TBL1X: variants seen among roughly 807,000 people sequenced by gnomAD.
The protein encoded by TBL1X is transducin beta like 1 X-linked, also known as F-box-like/WD repeat-containing protein TBL1X.
Under a neutral mutation model 50.7 loss-of-function variants are expected in TBL1X, and 10 were observed. The observed-to-expected ratio is 0.20, with a 90% CI of 0.12 to 0.33. The LOEUF (loss-of-function observed/expected upper bound fraction) is 0.33. Among genes scored for constraint, TBL1X ranks in the 10% least tolerant of loss-of-function variants. TBL1X has a pLI of 1.00. For missense variants in TBL1X, 340 were observed against 504.4 expected (o/e 0.67, Z 3.12); for synonymous variants, 190 against 214.7 (o/e 0.88, Z 1.01).
At chrX:9,689,923 G>A (rs1356920300) in intron 7 of TBL1X, among the ~76,000 whole-genome samples, 1 of 112,509 alleles carries the variant, frequency 8.9e-6, no homozygotes, top group Non-Finnish European at 1.9e-5. Flanking sequence ...AGCTAAGCAG[G>A]ACCACCAGGC....
intron 2 of TBL1X, among the ~76,000 whole-genome samples, chrX:9,624,315 C>T (rs1035854963): frequency 8.9e-6 from 1 of 111,805 alleles, no homozygotes; most frequent in East Asian, 2.8e-4. Flanking sequence ...ACATAGCATC[C>T]GTTTCCTCCG....
At chrX:9,574,238 C>T (rs1437946134) in intron 2 of TBL1X, among the ~76,000 whole-genome samples, 1 of 109,350 alleles carries the variant, frequency 9.1e-6, no homozygotes, top group African/African-American at 3.3e-5. Flanking sequence ...AGTCCAAGCT[C>T]AGGAGTCCGA....
chrX:9,608,672 A>G (rs777679160), intron 2 of TBL1X, among the ~76,000 whole-genome samples: 1 of 112,553 alleles, frequency 8.9e-6, no homozygotes, highest in Admixed American at 9.4e-5. Flanking sequence ...AAAGCAGTCA[A>G]AGTGGTTTTT....
chrX:9,587,682 G>A (rs1024185605), intron 2 of TBL1X, among the ~76,000 whole-genome samples: 1 of 111,203 alleles, frequency 9.0e-6, no homozygotes, highest in African/African-American at 3.3e-5. Flanking sequence ...CGCATTTGCA[G>A]TGCACAGTTC....
intron 2 of TBL1X, among the ~76,000 whole-genome samples, chrX:9,558,543 T>A (rs5979115): frequency 0.04 from 4,238 of 106,763 alleles, 115 homozygotes; most frequent in African/African-American, 0.1. Flanking sequence ...GAAAAAAAAA[T>A]ATATATATAT....
chrX:9,616,934 G>T (rs191932259), intron 2 of TBL1X, among the ~76,000 whole-genome samples: 1 of 111,622 alleles, frequency 9.0e-6, no homozygotes, highest in Admixed American at 9.5e-5. Flanking sequence ...GCTTTGTGAT[G>T]AATTATTTCC....
rs73478867 is a variant in TBL1X at position 9,680,206 on chromosome X, G to T, written c.212-3837G>T. ...CTTAATACCGTCACTTTGGGGATTT[G>T]TCTCCCACATACAAATCTGGGGGGG... is the stretch of plus-strand genomic sequence containing the variant. On this transcript the variant is annotated intron_variant, in intron 5 of 17. Coordinates refer to ENST00000645353, the MANE Select transcript of TBL1X (RefSeq NM_005647.4). 7.1e-3 allele frequency among the ~76,000 whole-genome samples: 789 copies of T among 111,635 alleles called. 6 individuals carry two copies. The highest frequency in any genetic ancestry group is 0.024 in the African/African-American group (738 of 30,653).
At chrX:9,609,336 G>GGGGGGTGTGTGT (rs1555900202) in intron 2 of TBL1X, among the ~76,000 whole-genome samples, 3 of 94,773 alleles carry the variant, frequency 3.2e-5, no homozygotes, top group South Asian at 1.0e-3. Flanking sequence ...TTTTCTTCCA[G>GGGGGGTGTGTGT]GTGTGTGTGT....
intron 2 of TBL1X, among the ~76,000 whole-genome samples, chrX:9,568,828 G>C (rs190133582): frequency 2.7e-5 from 3 of 109,854 alleles, no homozygotes; most frequent in African/African-American, 1.0e-4. Flanking sequence ...GTCTATCTGT[G>C]CAGTGTGCTG....
chrX:9,604,496 A>G (rs2238867), intron 2 of TBL1X, among the ~76,000 whole-genome samples: 32,047 of 109,454 alleles, frequency 0.29, 3,806 homozygotes, highest in East Asian at 0.66. Context: ...CTGGGTTGTC[A>G]TAAATTGTCT....
At chrX:9,589,626 T>C (rs1365527430) in intron 2 of TBL1X, among the ~76,000 whole-genome samples, 1 of 111,548 alleles carries the variant, frequency 9.0e-6, no homozygotes, top group Non-Finnish European at 1.9e-5. Context: ...CATCCATGAT[T>C]GAATTCAGGA....
At chrX:9,584,901 T>C (rs1340014093) in intron 2 of TBL1X, among the ~76,000 whole-genome samples, 1 of 111,400 alleles carries the variant, frequency 9.0e-6, no homozygotes, top group Non-Finnish European at 1.9e-5. Flanking sequence ...GTTTTGGAAT[T>C]AGATACAGAG....
At chrX:9,505,670 A>G (rs943167197) in intron 2 of TBL1X, among the ~76,000 whole-genome samples, 5 of 112,060 alleles carry the variant, frequency 4.5e-5, no homozygotes, top group African/African-American at 6.5e-5. Context: ...GACAAAACAG[A>G]CTTTAAACCA....
At chrX:9,684,598 T>TTAAAAAAAA (rs746186550) in intron 6 of TBL1X, among the ~76,000 whole-genome samples, 8 of 51,271 alleles carry the variant, frequency 1.6e-4, no homozygotes, top group African/African-American at 4.2e-4. Flanking sequence ...TCTCTAAAAT[T>TTAAAAAAAA]AAAAAAAAAA....
At position 9,473,615 on chromosome X, in the gene TBL1X, G is replaced by A. The variant is rs2081831311; in HGVS notation, c.-201+8168G>A. 2.7e-5 allele frequency among the ~76,000 whole-genome samples: 3 copies of A among 112,111 alleles called. No homozygotes were observed. The South Asian group carries it at 1.1e-3, about 42-fold the overall frequency. On this transcript the variant is annotated intron_variant, in intron 1 of 17. Coordinates refer to ENST00000645353, the MANE Select transcript of TBL1X (RefSeq NM_005647.4). ...TTATTGGAACAGTGTTTTCAACGTTGAGCTCTGGAATGTTGCAGCCAACTA... is the reference window on the plus strand; with the variant it reads ...TTATTGGAACAGTGTTTTCAACGTTAAGCTCTGGAATGTTGCAGCCAACTA...
At chrX:9,514,809 A>G (rs533460705) in intron 2 of TBL1X, among the ~76,000 whole-genome samples, 2 of 112,114 alleles carry the variant, frequency 1.8e-5, no homozygotes, top group South Asian at 7.5e-4. Flanking sequence ...TTGCATGTTA[A>G]AGATGAGAGT....
At chrX:9,502,436 G>A (rs1038502828) in intron 2 of TBL1X, among the ~76,000 whole-genome samples, 1 of 112,238 alleles carries the variant, frequency 8.9e-6, no homozygotes, top group African/African-American at 3.2e-5. Flanking sequence ...CAGGCAGCTG[G>A]TGTTCCTGCT....
At chrX:9,570,248 G>C (rs2082377907) in intron 2 of TBL1X, among the ~76,000 whole-genome samples, 2 of 112,080 alleles carry the variant, frequency 1.8e-5, no homozygotes, top group Admixed American at 1.9e-4. Flanking sequence ...AACAGCATTT[G>C]TGTGTAGCCA....
At chrX:9,581,055 G>A (rs2082438855) in intron 2 of TBL1X, among the ~76,000 whole-genome samples, 1 of 111,487 alleles carries the variant, frequency 9.0e-6, no homozygotes, top group African/African-American at 3.3e-5. Context: ...TGCTTGGGGG[G>A]CTTTCGAATG....
Sources: allele counts gnomAD v4.1 joint callset (sites outside exome capture counted in the v4.1 genomes callset), GRCh38; gene constraint gnomAD v4.1.1; transcripts MANE v1.5; gene names NCBI Gene and HGNC (gene_info 2026-07-23, HGNC 2026-07-21).